MTMR3: variants seen among roughly 807,000 people sequenced by gnomAD.
MTMR3 encodes the protein phosphatidylinositol-3,5-bisphosphate 3-phosphatase MTMR3.
MTMR3 carries 32 observed loss-of-function variants against 132.4 expected under a neutral mutation model. The observed-to-expected ratio is 0.24, with a 90% confidence interval of 0.18 to 0.32. The LOEUF (loss-of-function observed/expected upper bound fraction) is 0.32, where lower values mean the gene tolerates loss of function less well. MTMR3 is among the 10% of genes least tolerant of loss of function. The pLI is 1.00. For synonymous variants in MTMR3, 556 were observed against 550.3 expected, an observed-to-expected ratio of 1.01 and a Z score of -0.14; for missense variants, 1,216 against 1,489.6, an observed-to-expected ratio of 0.82 and a Z score of 3.02.
At chr22:29,938,637 C>G (rs904788144) in intron 1 of MTMR3, among the ~76,000 whole-genome samples, 1 of 152,074 alleles carries the variant, frequency 6.6e-6, no homozygotes, top group Non-Finnish European at 1.5e-5. Flanking sequence ...GGTATTCAGA[C>G]CTTTCCGAAA....
chr22:29,937,552 G>A (rs1233816652), intron 1 of MTMR3, among the ~76,000 whole-genome samples: 2 of 152,076 alleles, frequency 1.3e-5, no homozygotes, highest in Non-Finnish European at 2.9e-5. Context: ...GAGTAGCGGG[G>A]ACTATAGGCT....
At chr22:29,907,097 C>T (rs556486501) in intron 1 of MTMR3, among the ~76,000 whole-genome samples, 150 of 151,248 alleles carry the variant, frequency 9.9e-4, no homozygotes, top group African/African-American at 2.1e-3. Flanking sequence ...AATCCAAAAA[C>T]ATCCTAAAAA....
At chr22:30,014,502 C>CTTTTT (rs56934428) in intron 14 of MTMR3, 11 of 78,788 alleles carry the variant, frequency 1.4e-4, no homozygotes, top group East Asian at 4.6e-4. Context: ...CCCTCCAGTT[C>CTTTTT]TTTTTTTTTT....
chr22:29,896,886 CACACACACACACACACAT>C lies in MTMR3; in HGVS notation c.-138+13539_-138+13556del, dbSNP rs1371449921. ...GGCTTGTCTCACACACACACACACA[CACACACACACACACACAT>C]ACACACACACAAATCCCATATAGAA... On this transcript the variant is annotated intron_variant, in intron 1 of 19. Transcript: ENST00000401950. 2.6e-5 allele frequency among the ~76,000 whole-genome samples: 4 copies of C among 151,000 alleles called. No homozygotes were observed. The Admixed American group carries it at 2.6e-4, about 10-fold the overall frequency.
At chr22:29,890,141 C>T (rs1159358336) in intron 1 of MTMR3, among the ~76,000 whole-genome samples, 7 of 151,838 alleles carry the variant, frequency 4.6e-5, no homozygotes, top group Admixed American at 6.5e-5. Flanking sequence ...CTCCTGACCT[C>T]ATGATCCACC....
At chr22:30,016,362 G>A (rs547662278) in intron 14 of MTMR3, 166 bp from the exon 15 acceptor site, 2 of 653,386 alleles carry the variant, frequency 3.1e-6, no homozygotes, top group East Asian at 5.7e-5. Context: ...CCTGGAATTG[G>A]TGGTGTGAGG....
At chr22:30,002,789 T>C (rs1203531067) in intron 8 of MTMR3, 91 bp from the exon 9 acceptor site, 4 of 961,782 alleles carry the variant, frequency 4.2e-6, no homozygotes, top group Non-Finnish European at 6.4e-6. Context: ...ATCATCCTTA[T>C]GCTGGCTCAC....
chr22:29,933,837 C>T (rs2065694534), intron 1 of MTMR3, among the ~76,000 whole-genome samples: 1 of 151,390 alleles, frequency 6.6e-6, no homozygotes, highest in South Asian at 2.1e-4. Flanking sequence ...TCCCAAGTAG[C>T]TGGGACCACA....
chr22:29,921,901 T>A (rs1321965190), intron 1 of MTMR3, among the ~76,000 whole-genome samples: 1 of 150,086 alleles, frequency 6.7e-6, no homozygotes, highest in Non-Finnish European at 1.5e-5. Context: ...CAGGCTGGAG[T>A]GCGGTGGTGC....
intron 10 of MTMR3, 138 bp downstream of exon 10, chr22:30,007,457 G>C (rs1411719889): frequency 7.2e-6 from 6 of 835,522 alleles, no homozygotes; most frequent in Non-Finnish European, 9.4e-6. Flanking sequence ...GGGATTGATT[G>C]AGGAGTCATG....
chr22:29,997,894 G>A (rs2067094283), intron 7 of MTMR3: 1 of 152,208 alleles, frequency 6.6e-6, no homozygotes, highest in South Asian at 2.1e-4. Context: ...ATTTGTTTAA[G>A]GAGATCTTGT....
At chr22:29,915,969 A>C (rs1339742627) in intron 1 of MTMR3, among the ~76,000 whole-genome samples, 1 of 152,100 alleles carries the variant, frequency 6.6e-6, no homozygotes, top group East Asian at 1.9e-4. Context: ...AACTTACGAC[A>C]TTCTGCCTTC....
intron 1 of MTMR3, among the ~76,000 whole-genome samples, chr22:29,928,284 G>A (rs1838138174): frequency 6.7e-6 from 1 of 149,302 alleles, no homozygotes; most frequent in Non-Finnish European, 1.5e-5. Flanking sequence ...TGATTCTCCT[G>A]CTTCAGCCTC....
intron 1 of MTMR3, among the ~76,000 whole-genome samples, chr22:29,942,789 A>C (rs933133651): frequency 6.6e-6 from 1 of 152,208 alleles, no homozygotes; most frequent in Admixed American, 6.5e-5. Context: ...TTGTTCCCTG[A>C]ACATTGCTGT....
chr22:29,895,450 C>G (rs2064875202), intron 1 of MTMR3, among the ~76,000 whole-genome samples: 1 of 152,202 alleles, frequency 6.6e-6, no homozygotes, highest in Non-Finnish European at 1.5e-5. Context: ...AAAGCATTTT[C>G]TGCATCCTGC....
At position 30,020,232 on chromosome 22, in the gene MTMR3, G is replaced by C. The variant is rs1451305141; in HGVS notation, c.2573G>C (p.Ser858Thr). The change falls in exon 17 of 20, where the codon AGT becomes ACT. Residue 858 changes from serine to threonine, a missense_variant. Physicochemically the swap from Ser to Thr is moderately conservative, Grantham distance 58. Coordinates refer to ENST00000401950, the MANE Select transcript of MTMR3 (RefSeq NM_021090.4). ...MLVEDKVKSV[S>T]GPQGHHRSCL... ...GTGGAAGATAAGGTGAAGTCAGTAA[G>C]TGGGCCCCAAGGTCATCATAGATCT... The C allele has an allele frequency of 1.2e-6, 2 of 1,614,112 alleles. No homozygotes were observed. Among genetic ancestry groups the C allele is most frequent in the African/African-American group, 1.3e-5 (1 of 74,936 alleles).
At chr22:29,942,368 G>A (rs1032846388) in intron 1 of MTMR3, among the ~76,000 whole-genome samples, 3 of 152,250 alleles carry the variant, frequency 2.0e-5, no homozygotes, top group South Asian at 4.2e-4. Context: ...ATATCACAAG[G>A]CAAATGGAGG....
intron 1 of MTMR3, among the ~76,000 whole-genome samples, chr22:29,942,077 A>G (rs541552639): frequency 2.0e-5 from 3 of 152,320 alleles, no homozygotes; most frequent in East Asian, 1.9e-4. Flanking sequence ...CTTGGTCCAC[A>G]TGATGTATCA....
intron 5 of MTMR3, chr22:29,982,937 TTGTGTGTGTGTGTGTGTG>T (rs144471515): frequency 5.5e-5 from 8 of 146,280 alleles, no homozygotes; most frequent in Non-Finnish European, 7.5e-5. Context: ...AAAAGTTTGT[TTGTGTGTGTGTGTGTGTG>T]TGTGTGTGTG....
Sources: gnomAD v4.1 joint callset for allele counts (sites outside exome capture counted in the v4.1 genomes callset) on GRCh38, gnomAD v4.1.1 for gene constraint, MANE v1.5 for transcripts, NCBI Gene and HGNC (gene_info 2026-07-23, HGNC 2026-07-21) for gene names.